SUMO2: variants seen among roughly 807,000 people sequenced by gnomAD.
SUMO2 encodes small ubiquitin-related modifier 2.
SUMO2 carries 1 observed loss-of-function variant against 16.0 expected under a neutral mutation model. That is an observed-to-expected ratio of 0.06 (90% CI 0.02 to 0.30). The LOEUF (loss-of-function observed/expected upper bound fraction) is 0.30, where lower values mean the gene tolerates loss of function less well. Among genes scored for constraint, SUMO2 ranks in the 10% least tolerant of loss-of-function variants. SUMO2 has a pLI of 1.00. For synonymous variants in SUMO2, 36 were observed against 40.6 expected (o/e 0.89, Z 0.43); for missense variants, 16 against 117.5 (o/e 0.14, Z 3.99).
chr17:75,175,453 T>A (rs1050691694), intron 2 of SUMO2, among the ~76,000 whole-genome samples: 18 of 151,358 alleles, frequency 1.2e-4, no homozygotes, highest in African/African-American at 3.9e-4. Flanking sequence ...CCTGATTAGC[T>A]GGGACTAGGC....
At chr17:75,173,266 C>T (rs2074756118) in intron 3 of SUMO2, among the ~76,000 whole-genome samples, 1 of 152,080 alleles carries the variant, frequency 6.6e-6, no homozygotes, top group African/African-American at 2.4e-5. Context: ...TGGACTCAAG[C>T]ACCCCTCCCA....
intron 3 of SUMO2, among the ~76,000 whole-genome samples, chr17:75,172,157 G>C (rs902008331): frequency 3.3e-5 from 5 of 151,596 alleles, no homozygotes; most frequent in Admixed American, 6.6e-5. Context: ...AGCTGGGATG[G>C]GATTACAGGT....
chr17:75,181,331 C>A lies in SUMO2; in HGVS notation c.22-143G>T, dbSNP rs902821784. ...AACGGCATACTGCTGTTTTCAGCTG[C>A]TGAAATCAATGTGAAAGCGGAAAAA... On this transcript the variant is annotated intron_variant, in intron 1 of 3. Coordinates refer to ENST00000420826, the MANE Select transcript of SUMO2 (RefSeq NM_006937.4). 3.6e-6 allele frequency: 3 copies of A among 839,796 alleles called. No homozygotes were observed. In the African/African-American group the frequency reaches 5.2e-5, roughly 14 times the overall value. The allele number at this position is 839,796 out of a possible 1,614,324, so 52.0% of individuals were successfully genotyped here.
In SUMO2 at chr17:75,182,866, T is replaced by A. The variant is rs1285437890; in HGVS notation, c.-32A>T. The A allele has an allele frequency of 6.5e-6, 9 of 1,384,804 alleles. No homozygotes were observed. Among genetic ancestry groups the A allele is most frequent in the Non-Finnish European group, 8.5e-6 (9 of 1,061,300 alleles). 85.8% of individuals were successfully genotyped at this position (1,384,804 alleles called of 1,614,324 possible). Reference sequence around the variant, plus strand: ...CGCCGGAGTCTCCTCAGCTGCCGCTTCACAAAAGAGGTACCAGGTCCGCAC... The same window carrying A: ...CGCCGGAGTCTCCTCAGCTGCCGCTACACAAAAGAGGTACCAGGTCCGCAC... On this transcript the variant is annotated 5_prime_UTR_variant, in exon 1 of 4. Coordinates refer to ENST00000420826, the MANE Select transcript of SUMO2 (RefSeq NM_006937.4).
At chr17:75,182,026 T>C (rs575921266) in intron 1 of SUMO2, among the ~76,000 whole-genome samples, 1 of 152,190 alleles carries the variant, frequency 6.6e-6, no homozygotes, top group East Asian at 1.9e-4. Context: ...GCCCCGATGA[T>C]GGGTGTCCCC....
At chr17:75,171,187 T>C (rs145016494) in intron 3 of SUMO2, among the ~76,000 whole-genome samples, 4,816 of 151,630 alleles carry the variant, frequency 0.032, 262 homozygotes, top group African/African-American at 0.11. Flanking sequence ...TGGAGTGCAA[T>C]GGCGCAATCT....
At chr17:75,169,780 C>G (rs946801944) in intron 3 of SUMO2, among the ~76,000 whole-genome samples, 4 of 137,518 alleles carry the variant, frequency 2.9e-5, no homozygotes, top group African/African-American at 1.1e-4. Flanking sequence ...ACCCAGGAAG[C>G]AGAGGTTGTG....
At chr17:75,169,056 AAAAAAAAAAAGG>A (rs990025230) in intron 3 of SUMO2, among the ~76,000 whole-genome samples, 8 of 139,264 alleles carry the variant, frequency 5.7e-5, no homozygotes, top group African/African-American at 1.5e-4. Flanking sequence ...ACATCTCTAC[AAAAAAAAAAAGG>A]AAAAAAAAAA....
At chr17:75,180,401 A>AC (rs1365554145) in intron 2 of SUMO2, among the ~76,000 whole-genome samples, 2 of 136,594 alleles carry the variant, frequency 1.5e-5, no homozygotes, top group East Asian at 2.1e-4. Flanking sequence ...TTAAAAAAAA[A>AC]AAAAAAAAAA....
At chr17:75,182,681 G>A in intron 1 of SUMO2, 133 bp downstream of exon 1, 1 of 682,068 alleles carries the variant, frequency 1.5e-6, no homozygotes, top group Non-Finnish European at 2.0e-6. Context: ...CGGAGCGCCC[G>A]GGCCTGAGCC....
In SUMO2 at chr17:75,181,266, T is replaced by C. The variant is rs534202377; in HGVS notation, c.22-78A>G. 7.7e-5 allele frequency: 114 copies of C among 1,477,620 alleles called. No homozygotes were observed. In the African/African-American group the frequency reaches 1.1e-3, roughly 14 times the overall value. The allele number at this position is 1,477,620 out of a possible 1,614,324, so 91.5% of individuals were successfully genotyped here. A position where few individuals can be genotyped will look rare whatever the true frequency, so the allele number is the denominator to read the frequency against. On this transcript the variant is annotated intron_variant, in intron 1 of 3. Coordinates refer to ENST00000420826, the MANE Select transcript of SUMO2 (RefSeq NM_006937.4). ...TTTTATAAAGCAGCAGCAGCCCTAG[T>C]TGCTTCAAAAATCAACAGGTTTCTC...
At chr17:75,169,253 C>T (rs1287724623) in intron 3 of SUMO2, among the ~76,000 whole-genome samples, 1 of 151,924 alleles carries the variant, frequency 6.6e-6, no homozygotes, top group Non-Finnish European at 1.5e-5. Flanking sequence ...GAAAAAAAGG[C>T]TAGGGCCACG....
chr17:75,176,642 G>A (rs1040137814), intron 2 of SUMO2, among the ~76,000 whole-genome samples: 6 of 151,502 alleles, frequency 4.0e-5, no homozygotes, highest in African/African-American at 7.3e-5. Context: ...CAACAAAACC[G>A]ACCTAAAATG....
chr17:75,179,538 A>AT (rs1001157602), intron 2 of SUMO2, among the ~76,000 whole-genome samples: 2 of 152,124 alleles, frequency 1.3e-5, no homozygotes, highest in Non-Finnish European at 2.9e-5. Flanking sequence ...AAAAAAAAAA[A>AT]AAAAAAAGGT....
intron 3 of SUMO2, among the ~76,000 whole-genome samples, chr17:75,170,905 A>T (rs960186579): frequency 2.6e-5 from 4 of 151,950 alleles, no homozygotes; most frequent in Non-Finnish European, 5.9e-5. Context: ...TCAGATATTA[A>T]ATACCATATA....
intron 2 of SUMO2, among the ~76,000 whole-genome samples, chr17:75,175,696 G>A (rs149700459): frequency 0.011 from 1,595 of 149,050 alleles, 29 homozygotes; most frequent in South Asian, 0.085. Context: ...GCAGTGGTGC[G>A]ATCTTGGCTC....
At chr17:75,175,023 C>G (rs748123236) in intron 2 of SUMO2, among the ~76,000 whole-genome samples, 200 bp from the exon 3 acceptor site, 18 of 152,026 alleles carry the variant, frequency 1.2e-4, no homozygotes, top group Non-Finnish European at 2.2e-4. Context: ...GATCTGTTGT[C>G]AAGGCTGAAG....
intron 3 of SUMO2, among the ~76,000 whole-genome samples, chr17:75,169,635 G>A (rs946718030): frequency 3.3e-5 from 5 of 151,826 alleles, no homozygotes; most frequent in South Asian, 2.1e-4. Flanking sequence ...CACCCTCCTC[G>A]GCCTCCCAAA....
At chr17:75,180,409 A>AAC (rs1469862683) in intron 2 of SUMO2, among the ~76,000 whole-genome samples, 4 of 144,944 alleles carry the variant, frequency 2.8e-5, no homozygotes, top group African/African-American at 1.0e-4. Flanking sequence ...AAAAAAAAAA[A>AAC]AAAAAAAAAA....
Sources: gnomAD v4.1 joint callset for allele counts (sites outside exome capture counted in the v4.1 genomes callset) on GRCh38, gnomAD v4.1.1 for gene constraint, MANE v1.5 for transcripts, NCBI Gene and HGNC (gene_info 2026-07-23, HGNC 2026-07-21) for gene names.